Variants in KDELR2 observed in about 807,000 individuals in gnomAD.
The protein encoded by KDELR2 is KDEL endoplasmic reticulum protein retention receptor 2.
In KDELR2, 15 loss-of-function variants were observed where a neutral mutation model predicts 23.9. The ratio of observed to expected loss-of-function variants is 0.63; its 90% CI spans 0.42 to 0.97. The LOEUF is 0.97. Among genes scored for constraint, KDELR2 ranks in the 50% least tolerant of loss-of-function variants. KDELR2 has a pLI of 0.00. For synonymous variants in KDELR2, 119 were observed against 106.2 expected (o/e 1.12, Z -0.74); for missense variants, 272 against 254.6 (o/e 1.07, Z -0.46).
At position 6,474,822 on chromosome 7, in the gene KDELR2, C is replaced by G. The variant is rs74596041; in HGVS notation, c.92-538G>C. Among the ~76,000 whole-genome samples, 33 of 152,280 alleles carry G rather than the reference C, an allele frequency of 2.2e-4. 1 individual carries two copies. The East Asian group carries it at 6.0e-3, about 28-fold the overall frequency. The stretch of plus-strand genomic sequence containing the variant: ...GGGACTAGAGGTGTGAACTACCACA[C>G]CCAGCTAATTTTTAAACAAATTTTT... On this transcript the variant is annotated intron_variant, in intron 1 of 4. Coordinates refer to ENST00000258739, the MANE Select transcript of KDELR2 (RefSeq NM_006854.4).
In KDELR2 at chr7:6,466,222, G is replaced by A. The variant is rs369059498; in HGVS notation, c.453C>T (p.Tyr151=). ...CACGATAGAGGCCCAGGAAGAACAG[G>A]TAGTGGGTGGTGATGGTCTCGGCCT... ...TGEAETITTH[Y]LFFLGLYRAL... The change falls in exon 4 of 5, where the codon TAC becomes TAT. Residue 151 remains tyrosine (Y), a synonymous_variant. Transcript: ENST00000258739. 292 of 1,614,084 alleles carry A rather than the reference G, an allele frequency of 1.8e-4. 1 individual carries two copies. The Middle Eastern group carries it at 2.5e-3, about 14-fold the overall frequency.
chr7:6,482,575 G>A (rs1409849633), intron 1 of KDELR2: 3 of 470,844 alleles, frequency 6.4e-6, no homozygotes, highest in Non-Finnish European at 8.8e-6. Context: ...TATGTTCCAA[G>A]GAGACAGGCG....
At chr7:6,463,887 A>T (rs58074950) in intron 4 of KDELR2, among the ~76,000 whole-genome samples, 1,761 of 118,240 alleles carry the variant, frequency 0.015, no homozygotes, top group Non-Finnish European at 0.018. Context: ...ATGGTGAAAC[A>T]CCATCTCTAA....
At chr7:6,478,957 T>A (rs1362485811) in intron 1 of KDELR2, among the ~76,000 whole-genome samples, 1 of 151,852 alleles carries the variant, frequency 6.6e-6, no homozygotes, top group Non-Finnish European at 1.5e-5. Flanking sequence ...CCCGGGTAAC[T>A]TTTTTGTAAT....
intron 2 of KDELR2, among the ~76,000 whole-genome samples, chr7:6,473,499 C>G (rs1387455821): frequency 2.0e-5 from 3 of 152,204 alleles, no homozygotes; most frequent in Non-Finnish European, 4.4e-5. Context: ...AGGTGGTGTG[C>G]AAACATTTTG....
At chr7:6,464,836 A>G (rs961659400) in intron 4 of KDELR2, among the ~76,000 whole-genome samples, 4 of 149,760 alleles carry the variant, frequency 2.7e-5, no homozygotes, top group African/African-American at 9.8e-5. Flanking sequence ...CCCGGGTTCA[A>G]GAGATTTTCC....
At chr7:6,482,910 CAGG>C (rs959652256) in intron 1 of KDELR2, among the ~76,000 whole-genome samples, 16 of 149,684 alleles carry the variant, frequency 1.1e-4, no homozygotes, top group African/African-American at 3.9e-4. Flanking sequence ...GAGTCTGAGG[CAGG>C]AGGATTACCT....
chr7:6,474,379 G>C, intron 1 of KDELR2, 95 bp from the exon 2 acceptor site: 1 of 817,600 alleles, frequency 1.2e-6, no homozygotes, highest in South Asian at 1.4e-5. Context: ...GGAAGGAGGG[G>C]TGCGTGGGGT....
chr7:6,466,248 C>T lies in KDELR2; in HGVS notation c.427G>A (p.Glu143Lys). 6 of 1,614,028 alleles carry T rather than the reference C, an allele frequency of 3.7e-6. No homozygotes were observed. The highest frequency in any genetic ancestry group is 5.1e-6 in the Non-Finnish European group (6 of 1,179,958). The change falls in exon 4 of 5, where the codon GAG becomes AAG. Residue 143 changes from glutamate (E) to lysine (K), a missense_variant. Transcript: ENST00000258739. ...TAGTGGGTGGTGATGGTCTCGGCCTCCCCAGTCTTGCTGATCATAAATAGC... is the reference window on the plus strand; with the variant it reads ...TAGTGGGTGGTGATGGTCTCGGCCTTCCCAGTCTTGCTGATCATAAATAGC... ...PQLFMISKTG[E>K]AETITTHYLF... is the part of the protein sequence containing the mutation.
In KDELR2 at chr7:6,462,245, G is replaced by C. The variant is rs1354765813; in HGVS notation, c.*896C>G. The C allele has an allele frequency of 1.3e-5, 2 of 152,158 alleles. No homozygotes were observed. The highest frequency in any genetic ancestry group is 2.9e-5 in the Non-Finnish European group (2 of 68,042). 9.4% of individuals were successfully genotyped at this position (152,158 alleles called of 1,614,324 possible). ...CCAAAAGTGATATGGAAAACTGTTT[G>C]AATCTGAGCATGGACATGGTTGTAG... On this transcript the variant is annotated 3_prime_UTR_variant, in exon 5 of 5. Coordinates refer to ENST00000258739, the MANE Select transcript of KDELR2 (RefSeq NM_006854.4).
chr7:6,467,702 A>T (rs1785530970), intron 3 of KDELR2, among the ~76,000 whole-genome samples: 1 of 152,124 alleles, frequency 6.6e-6, no homozygotes, highest in African/African-American at 2.4e-5. Context: ...CGGAGGTTGC[A>T]GTGAGCCGAG....
At chr7:6,483,711 G>A (rs1302486004) in intron 1 of KDELR2, among the ~76,000 whole-genome samples, 2 of 152,190 alleles carry the variant, frequency 1.3e-5, no homozygotes, top group Non-Finnish European at 2.9e-5. Flanking sequence ...CCGCGCAGCC[G>A]GGTGCGCTCC....
Position 6,483,880 on chromosome 7 carries a change from G to C in KDELR2, c.91+87C>G, listed in dbSNP as rs1389714718. 10 of 1,093,622 alleles carry C rather than the reference G, an allele frequency of 9.1e-6. No individual in the cohort carries two copies. The East Asian group carries it at 3.6e-4, about 39-fold the overall frequency. 67.7% of individuals were successfully genotyped at this position (1,093,622 alleles called of 1,614,324 possible). A position where few individuals can be genotyped will look rare whatever the true frequency, so the allele number is the denominator to read the frequency against. On this transcript the variant is annotated intron_variant, in intron 1 of 4. Transcript: ENST00000258739. ...TGTGTCGGGCCGGCGCAGGCCCCGCGAGCCGTGGGGTGGCCGAGGTCGGCG... is the reference window on the plus strand; with the variant it reads ...TGTGTCGGGCCGGCGCAGGCCCCGCCAGCCGTGGGGTGGCCGAGGTCGGCG...
chr7:6,475,319 T>C lies in KDELR2; in HGVS notation c.92-1035A>G, dbSNP rs1050207406. ...GCACACACCTGTGGTCCCAGCTACATGGGAGGTTGAGGTGGGAGGATTGCG... is the reference window on the plus strand; with the variant it reads ...GCACACACCTGTGGTCCCAGCTACACGGGAGGTTGAGGTGGGAGGATTGCG... On this transcript the variant is annotated intron_variant, in intron 1 of 4. Coordinates refer to ENST00000258739, the MANE Select transcript of KDELR2 (RefSeq NM_006854.4). 5.9e-5 allele frequency among the ~76,000 whole-genome samples: 9 copies of C among 152,144 alleles called. No homozygotes were observed. The South Asian group carries it at 1.0e-3, about 18-fold the overall frequency.
intron 4 of KDELR2, among the ~76,000 whole-genome samples, chr7:6,464,240 G>C: frequency 9.0e-6 from 1 of 111,548 alleles, no homozygotes; most frequent in African/African-American, 3.4e-5. Flanking sequence ...AAAAAAAAAA[G>C]CTAGGCGTGG....
chr7:6,480,125 AG>A (rs989198463), intron 1 of KDELR2, among the ~76,000 whole-genome samples: 2 of 152,192 alleles, frequency 1.3e-5, no homozygotes, highest in Non-Finnish European at 2.9e-5. Context: ...GACAGACTAG[AG>A]GGGGAAGGCC....
chr7:6,468,952 CCT>C (rs1456233971), intron 3 of KDELR2, among the ~76,000 whole-genome samples: 38 of 150,484 alleles, frequency 2.5e-4, no homozygotes, highest in African/African-American at 8.6e-4. Context: ...ACCTAAATAA[CCT>C]CTTTTTTTTT....
chr7:6,483,019 TAA>T (rs1785938013), intron 1 of KDELR2, among the ~76,000 whole-genome samples: 1 of 145,764 alleles, frequency 6.9e-6, no homozygotes, highest in African/African-American at 2.5e-5. Context: ...AAAAAAAAAA[TAA>T]GTTAAAAACT....
chr7:6,483,165 T>A (rs1022999753), intron 1 of KDELR2, among the ~76,000 whole-genome samples: 1 of 152,186 alleles, frequency 6.6e-6, no homozygotes, highest in African/African-American at 2.4e-5. Context: ...GCCAGCTCAC[T>A]GGTGACGTGG....
Sources: gnomAD v4.1 joint callset for allele counts (sites outside exome capture counted in the v4.1 genomes callset) on GRCh38, gnomAD v4.1.1 for gene constraint, MANE v1.5 for transcripts, NCBI Gene and HGNC (gene_info 2026-07-23, HGNC 2026-07-21) for gene names.